DIP2C: variants seen among roughly 807,000 people sequenced by gnomAD.
DIP2C encodes the protein DIP2 acetate--CoA ligase C (putative), also known as disco-interacting protein 2 homolog C.
Under a neutral mutation model 192.4 loss-of-function variants are expected in DIP2C, and 33 were observed. The ratio of observed to expected loss-of-function variants is 0.17; its 90% CI spans 0.13 to 0.23. DIP2C has a LOEUF of 0.23. Ranked by LOEUF, DIP2C falls within the 10% of genes least tolerant of loss-of-function variation. The pLI is 1.00. For missense variants in DIP2C, 1,537 were observed against 2,110.1 expected, an observed-to-expected ratio of 0.73 and a Z score of 5.32; for synonymous variants, 979 against 864.1, an observed-to-expected ratio of 1.13 and a Z score of -2.33.
rs571816300 is a variant in DIP2C at position 496,634 on chromosome 10, C to T, written c.86-10104G>A. Among the ~76,000 whole-genome samples the T allele has an allele frequency of 4.5e-3, 690 of 151,844 alleles. 6 individuals carry two copies. Among genetic ancestry groups the T allele is most frequent in the African/African-American group, 0.016 (646 of 41,346 alleles). ...CGCAATACCCCAAACAACATGAGTGCTGAGTGCACAGAACCCACAGTGACC... is the reference window on the plus strand; with the variant it reads ...CGCAATACCCCAAACAACATGAGTGTTGAGTGCACAGAACCCACAGTGACC... On this transcript the variant is annotated intron_variant, in intron 1 of 36. Coordinates refer to ENST00000280886, the MANE Select transcript of DIP2C (RefSeq NM_014974.3).
intron 31 of DIP2C, among the ~76,000 whole-genome samples, chr10:317,722 C>T (rs1004652735): frequency 2.6e-5 from 4 of 152,172 alleles, no homozygotes; most frequent in Admixed American, 6.5e-5. Flanking sequence ...ACTCTTCCAG[C>T]GGTGACTCCA....
intron 2 of DIP2C, among the ~76,000 whole-genome samples, chr10:475,056 C>T (rs1034549428): frequency 6.6e-6 from 1 of 152,208 alleles, no homozygotes; most frequent in African/African-American, 2.4e-5. Context: ...GCCCTCTCCT[C>T]TCCTGTTTCC....
At position 527,684 on chromosome 10, in the gene DIP2C, A is replaced by G. The variant is rs930100556; in HGVS notation, c.86-41154T>C. Among the ~76,000 whole-genome samples the G allele has an allele frequency of 2.0e-5, 3 of 152,348 alleles. No individual in the cohort carries two copies. In the East Asian group the frequency reaches 5.8e-4, roughly 29 times the overall value. On this transcript the variant is annotated intron_variant, in intron 1 of 36. Coordinates refer to ENST00000280886, the MANE Select transcript of DIP2C (RefSeq NM_014974.3). ...GCTTGCCAGTTTGTAGGACTTCTAAAACTTGACATAAATGTTGGCTAAGGG... is the reference window on the plus strand; with the variant it reads ...GCTTGCCAGTTTGTAGGACTTCTAAGACTTGACATAAATGTTGGCTAAGGG...
At chr10:633,539 C>T (rs1338977693) in intron 1 of DIP2C, among the ~76,000 whole-genome samples, 1 of 152,240 alleles carries the variant, frequency 6.6e-6, no homozygotes, top group Non-Finnish European at 1.5e-5. Context: ...CTCACGCATT[C>T]CTCTCTCGGC....
intron 32 of DIP2C, among the ~76,000 whole-genome samples, chr10:295,377 C>T (rs1257193931): frequency 4.0e-5 from 6 of 151,002 alleles, no homozygotes; most frequent in South Asian, 2.1e-4. Flanking sequence ...TTGGCTAACA[C>T]AGTGAAACCC....
chr10:643,038 T>G (rs1037162715), intron 1 of DIP2C, among the ~76,000 whole-genome samples: 2 of 151,112 alleles, frequency 1.3e-5, no homozygotes, highest in Non-Finnish European at 2.9e-5. Flanking sequence ...ATCCCGTCTC[T>G]ACTAAAAATA....
At chr10:655,376 T>C (rs755205118) in intron 1 of DIP2C, among the ~76,000 whole-genome samples, 2 of 152,226 alleles carry the variant, frequency 1.3e-5, no homozygotes, top group Non-Finnish European at 2.9e-5. Context: ...GCAGCAGTGC[T>C]ACAGAACACT....
At chr10:327,297 C>T in intron 30 of DIP2C, 121 bp from the exon 31 acceptor site, 1 of 1,140,388 alleles carries the variant, frequency 8.8e-7, no homozygotes. Flanking sequence ...TATGCATTTC[C>T]AGGGCCACCT....
At chr10:281,579 T>C (rs1216801604) in intron 35 of DIP2C, among the ~76,000 whole-genome samples, 1 of 152,218 alleles carries the variant, frequency 6.6e-6, no homozygotes, top group African/African-American at 2.4e-5. Context: ...AGAAGATCTT[T>C]CCTGGCTCAG....
chr10:657,957 G>C (rs1397222811), intron 1 of DIP2C, among the ~76,000 whole-genome samples: 1 of 149,610 alleles, frequency 6.7e-6, no homozygotes, highest in South Asian at 2.1e-4. Flanking sequence ...CCCTGGACCT[G>C]TCCCTGGACC....
intron 17 of DIP2C, among the ~76,000 whole-genome samples, chr10:379,121 G>A (rs976578991): frequency 1.3e-5 from 2 of 149,262 alleles, no homozygotes; most frequent in South Asian, 2.1e-4. Flanking sequence ...CAGCACCTGC[G>A]GCCCAGGCGC....
At chr10:458,418 C>G (rs1157169702) in intron 3 of DIP2C, among the ~76,000 whole-genome samples, 1 of 152,242 alleles carries the variant, frequency 6.6e-6, no homozygotes, top group Admixed American at 6.5e-5. Context: ...TACGGTGACC[C>G]CCATGATGGC....
intron 1 of DIP2C, chr10:650,842 C>G (rs533780568): frequency 5.9e-5 from 42 of 715,324 alleles, no homozygotes; most frequent in Non-Finnish European, 1.8e-5. Context: ...CCTCAGCCCC[C>G]ACTTGTGAGA....
intron 1 of DIP2C, among the ~76,000 whole-genome samples, chr10:546,496 A>T (rs575455469): frequency 1.3e-5 from 2 of 152,240 alleles, no homozygotes; most frequent in African/African-American, 2.4e-5. Flanking sequence ...CTCTGGTTGA[A>T]GTTTATGAAA....
chr10:650,898 C>T (rs577637683), intron 1 of DIP2C: 493 of 717,526 alleles, frequency 6.9e-4, no homozygotes, highest in Middle Eastern at 1.6e-3. Flanking sequence ...GTGGGCCTCA[C>T]GGGGGAAGCT....
chr10:610,433 G>T (rs1284905976), intron 1 of DIP2C, among the ~76,000 whole-genome samples: 1 of 152,158 alleles, frequency 6.6e-6, no homozygotes, highest in Non-Finnish European at 1.5e-5. Flanking sequence ...AAAACAGCTA[G>T]GAGAGAATAA....
intron 1 of DIP2C, among the ~76,000 whole-genome samples, chr10:511,781 C>T (rs541828736): frequency 9.3e-4 from 142 of 152,322 alleles, no homozygotes; most frequent in African/African-American, 2.8e-3. Flanking sequence ...CACCCACAAC[C>T]GCTTAAAAAT....
chr10:618,099 A>G (rs1030796936), intron 1 of DIP2C, among the ~76,000 whole-genome samples: 3 of 152,272 alleles, frequency 2.0e-5, no homozygotes, highest in African/African-American at 7.2e-5. Flanking sequence ...TGGTCTGCAC[A>G]TAAAATGCTA....
At chr10:612,327 C>T (rs1387045792) in intron 1 of DIP2C, among the ~76,000 whole-genome samples, 1 of 152,054 alleles carries the variant, frequency 6.6e-6, no homozygotes, top group Non-Finnish European at 1.5e-5. Flanking sequence ...CCACTTAATT[C>T]TTCACCGATG....
Sources: gnomAD v4.1 joint callset for allele counts (sites outside exome capture counted in the v4.1 genomes callset) on GRCh38, gnomAD v4.1.1 for gene constraint, MANE v1.5 for transcripts, NCBI Gene and HGNC (gene_info 2026-07-23, HGNC 2026-07-21) for gene names.